The following PCDHA3 variants were observed in gnomAD, a reference collection of about 807,000 sequenced individuals.
PCDHA3 encodes the protein protocadherin alpha 3.
In PCDHA3, 41 loss-of-function variants were observed where a neutral mutation model predicts 62.2. That is an observed-to-expected ratio of 0.66 (90% confidence interval 0.51 to 0.86). PCDHA3 has a LOEUF of 0.86. Ranked by LOEUF, PCDHA3 falls within the 40% of genes least tolerant of loss-of-function variation. The pLI, the probability that PCDHA3 is intolerant of heterozygous loss-of-function variation, is 0.00. For synonymous variants in PCDHA3, 640 were observed against 555.4 expected, an observed-to-expected ratio of 1.15 and a Z score of -2.14; for missense variants, 1,304 against 1,241.2, an observed-to-expected ratio of 1.05 and a Z score of -0.76.
intron 1 of PCDHA3, chr5:140,855,929 A>T (rs914508327): frequency 1.6e-6 from 2 of 1,278,216 alleles, no homozygotes; most frequent in Non-Finnish European, 2.2e-6. Context: ...AAGTAGCGTC[A>T]TTCTGAGATC....
chr5:140,829,881 T>C, intron 1 of PCDHA3: 1 of 1,613,934 alleles, frequency 6.2e-7, no homozygotes, highest in Non-Finnish European at 8.5e-7. Flanking sequence ...GTGCGCGCAG[T>C]TGACGCCGAC....
chr5:140,858,618 C>T (rs781842612), intron 1 of PCDHA3: 2 of 1,160,992 alleles, frequency 1.7e-6, no homozygotes, highest in South Asian at 1.6e-5. Context: ...TTTTATCCTA[C>T]CCAGTGTGTC....
intron 1 of PCDHA3, among the ~76,000 whole-genome samples, chr5:140,925,706 T>C (rs371734955): frequency 2.0e-5 from 3 of 151,422 alleles, no homozygotes; most frequent in Admixed American, 6.6e-5. Context: ...AGCCTATTCT[T>C]ATCCTGCCTC....
intron 1 of PCDHA3, chr5:140,834,377 A>C (rs1445346495): frequency 1.3e-6 from 2 of 1,562,428 alleles, no homozygotes; most frequent in Admixed American, 2.0e-5. Flanking sequence ...CAAGCCAATA[A>C]TTTGAAATGG....
rs782248457 is a variant in PCDHA3, at chr5:140,927,179, C to G, written c.2395-51770C>G. 8 of 1,614,050 alleles carry G rather than the reference C, an allele frequency of 5.0e-6. No individual in the cohort carries two copies. The South Asian group carries it at 8.8e-5, about 18-fold the overall frequency. ...AGGGCCAAAGCTGCCTGCGTCTTGA[C>G]CTACGACCTGGTGCTCGAGGACCCG... On this transcript the variant is annotated intron_variant, in intron 1 of 3. Transcript: ENST00000522353.
intron 1 of PCDHA3, among the ~76,000 whole-genome samples, chr5:140,973,377 G>T (rs1176312664): frequency 1.3e-5 from 2 of 152,208 alleles, no homozygotes; most frequent in Non-Finnish European, 2.9e-5. Context: ...ACAATGGTCA[G>T]AATAGACAAA....
At chr5:140,958,905 A>G (rs1295198062) in intron 1 of PCDHA3, among the ~76,000 whole-genome samples, 1 of 149,390 alleles carries the variant, frequency 6.7e-6, no homozygotes, top group Non-Finnish European at 1.5e-5. Flanking sequence ...AGATACAGAA[A>G]AGTCTGCCTG....
At chr5:140,974,910 C>T (rs1054560750) in intron 1 of PCDHA3, among the ~76,000 whole-genome samples, 1 of 152,114 alleles carries the variant, frequency 6.6e-6, no homozygotes, top group Admixed American at 6.5e-5. Flanking sequence ...AACAAATTAC[C>T]ACAAGTAAGT....
At chr5:140,850,719 T>C in intron 1 of PCDHA3, 1 of 1,597,696 alleles carries the variant, frequency 6.3e-7, no homozygotes, top group Non-Finnish European at 8.6e-7. Flanking sequence ...GCTGGTGTGT[T>C]CTAGCGCGGT....
intron 1 of PCDHA3, chr5:140,868,993 T>C (rs1441909187): frequency 1.3e-6 from 2 of 1,515,702 alleles, no homozygotes; most frequent in Non-Finnish European, 8.8e-7. Context: ...TGCCACCGTT[T>C]AAGGATCCTT....
At chr5:140,833,144 G>A (rs1580756021) in intron 1 of PCDHA3, among the ~76,000 whole-genome samples, 1 of 152,142 alleles carries the variant, frequency 6.6e-6, no homozygotes, top group South Asian at 2.1e-4. Context: ...AAAGTGTGAA[G>A]CAATACGAAT....
At chr5:140,915,831 G>T (rs1326644343) in intron 1 of PCDHA3, among the ~76,000 whole-genome samples, 1 of 152,168 alleles carries the variant, frequency 6.6e-6, no homozygotes, top group Non-Finnish European at 1.5e-5. Flanking sequence ...AGGGCTCTAA[G>T]ATCAGCAGGG....
rs1554125148 is a variant in PCDHA3 at position 140,809,336 on chromosome 5, C to T, written c.2394+5745C>T. On this transcript the variant is annotated intron_variant, in intron 1 of 3. Transcript: ENST00000522353. ...CAGCCTTTTGGTGCTCACGCTGCTGCTGTACACCGCGCTGCGGTGCTCTGC... is the reference window on the plus strand; with the variant it reads ...CAGCCTTTTGGTGCTCACGCTGCTGTTGTACACCGCGCTGCGGTGCTCTGC... 8.7e-6 allele frequency: 14 copies of T among 1,614,084 alleles called. No individual in the cohort carries two copies. In the South Asian group the frequency reaches 1.3e-4, roughly 15 times the overall value.
chr5:140,987,805 C>T (rs2097269328), intron 3 of PCDHA3, among the ~76,000 whole-genome samples: 3 of 152,140 alleles, frequency 2.0e-5, no homozygotes. Flanking sequence ...TTTAAAGTGC[C>T]TGTCTCTTTG....
rs528503686 is a variant in PCDHA3, at chr5:140,807,480, G to A, written c.2394+3889G>A. 18 of 1,613,360 alleles carry A rather than the reference G, an allele frequency of 1.1e-5. No homozygotes were observed. Among genetic ancestry groups the A allele is most frequent in the East Asian group, 2.2e-5 (1 of 44,844 alleles). On this transcript the variant is annotated intron_variant, in intron 1 of 3. Coordinates refer to ENST00000522353, the MANE Select transcript of PCDHA3 (RefSeq NM_018906.3). Reference sequence around the variant, plus strand: ...ATCGACCGGGAGGAGCTGTGCCGGCGGAGCGCGGAGTGCAGCATCCACCTG... The same window carrying A: ...ATCGACCGGGAGGAGCTGTGCCGGCAGAGCGCGGAGTGCAGCATCCACCTG...
chr5:140,964,689 GAGAGATTA>G (rs781865484), intron 1 of PCDHA3, among the ~76,000 whole-genome samples: 4 of 152,008 alleles, frequency 2.6e-5, no homozygotes, highest in Non-Finnish European at 5.9e-5. Context: ...TTGTGCACTT[GAGAGATTA>G]AGGCCTCCGA....
At chr5:140,809,279 G>C in intron 1 of PCDHA3, 3 of 1,614,106 alleles carry the variant, frequency 1.9e-6, no homozygotes, top group Non-Finnish European at 2.5e-6. Flanking sequence ...GGATGTCAAC[G>C]TATACCTGAT....
chr5:140,832,529 C>T (rs1417040137), intron 1 of PCDHA3, among the ~76,000 whole-genome samples: 1 of 152,170 alleles, frequency 6.6e-6, no homozygotes, highest in Non-Finnish European at 1.5e-5. Context: ...TGAAGATCAC[C>T]ATTTGTGTAG....
chr5:140,857,273 G>A, intron 1 of PCDHA3: 3 of 1,598,730 alleles, frequency 1.9e-6, no homozygotes, highest in Middle Eastern at 1.7e-4. Context: ...ATTGGTGCTG[G>A]ACAGCGCTCT....
Sources: gnomAD v4.1 joint callset for allele counts (sites outside exome capture counted in the v4.1 genomes callset) on GRCh38, gnomAD v4.1.1 for gene constraint, MANE v1.5 for transcripts, NCBI Gene and HGNC (gene_info 2026-07-23, HGNC 2026-07-21) for gene names.